Variants in VLDLR observed in about 807,000 individuals in gnomAD.
VLDLR encodes very low density lipoprotein receptor, also known as very low-density lipoprotein receptor.
VLDLR carries 81 observed loss-of-function variants against 112.7 expected under a neutral mutation model. That is an observed-to-expected ratio of 0.72 (90% CI 0.60 to 0.86). The LOEUF is 0.86. VLDLR is among the 40% of genes least tolerant of loss of function. The probability of loss-of-function intolerance (pLI) is 0.00; values close to 1 mark genes in which losing one functional copy is unlikely to be tolerated. For missense variants in VLDLR, 1,237 were observed against 1,099.4 expected (o/e 1.13, Z -1.77); for synonymous variants, 436 against 384.8 (o/e 1.13, Z -1.56).
intron 15 of VLDLR, 59 bp downstream of exon 15, chr9:2,650,575 A>C: frequency 5.0e-6 from 8 of 1,602,880 alleles, no homozygotes; most frequent in Non-Finnish European, 5.1e-6. Flanking sequence ...ATAATAAGAC[A>C]CAAGCTTGGA....
intron 1 of VLDLR, among the ~76,000 whole-genome samples, chr9:2,629,887 C>A (rs542328407): frequency 6.6e-6 from 1 of 152,184 alleles, no homozygotes; most frequent in Non-Finnish European, 1.5e-5. Flanking sequence ...ACTTCTACCT[C>A]CCAGGTTCAA....
intron 1 of VLDLR, among the ~76,000 whole-genome samples, chr9:2,625,897 T>C (rs374055864): frequency 1.3e-5 from 2 of 152,284 alleles, no homozygotes; most frequent in East Asian, 1.9e-4. Flanking sequence ...TTCTGAAGAG[T>C]TGGGGCAGAG....
chr9:2,652,899 T>TC lies in VLDLR; in HGVS notation c.2538dup (p.Ile847HisfsTer5). On this transcript the variant is annotated frameshift_variant, in exon 18 of 19. Transcript: ENST00000382100. LOFTEE classifies it high-confidence loss of function. ...CTTGAAAACCACTGAAGAGGACCTC[T>TC]CCATAGACATTGGTAGACACAGTGC... 6.2e-7 allele frequency: 1 copy of TC among 1,614,114 alleles called. No homozygotes were observed. Among genetic ancestry groups the TC allele is most frequent in the Non-Finnish European group, 8.5e-7 (1 of 1,179,994 alleles).
chr9:2,632,339 C>G (rs1191749137), intron 1 of VLDLR, among the ~76,000 whole-genome samples: 1 of 152,176 alleles, frequency 6.6e-6, no homozygotes, highest in Non-Finnish European at 1.5e-5. Flanking sequence ...CTTTAAGGAA[C>G]CCACTAACAA....
intron 14 of VLDLR, among the ~76,000 whole-genome samples, 195 bp from the exon 15 acceptor site, chr9:2,650,175 C>T (rs1459880968): frequency 6.6e-6 from 1 of 152,166 alleles, no homozygotes; most frequent in African/African-American, 2.4e-5. Context: ...GGTCCCTTAT[C>T]TGGTGTCCTT....
At chr9:2,622,327 G>T in intron 1 of VLDLR, 56 bp downstream of exon 1, 1 of 1,396,692 alleles carries the variant, frequency 7.2e-7, no homozygotes, top group South Asian at 1.5e-5. Flanking sequence ...GGCACCGGGA[G>T]ACCCCGAGGC....
At chr9:2,635,119 A>G (rs917645251) in intron 1 of VLDLR, among the ~76,000 whole-genome samples, 4 of 152,142 alleles carry the variant, frequency 2.6e-5, no homozygotes, top group African/African-American at 9.7e-5. Context: ...GAATGAAGAG[A>G]TGGAAAGAAA....
At chr9:2,641,687 G>A (rs1817832396) in intron 4 of VLDLR, among the ~76,000 whole-genome samples, 188 bp downstream of exon 4, 1 of 152,136 alleles carries the variant, frequency 6.6e-6, no homozygotes, top group South Asian at 2.1e-4. Context: ...TGTGGCAATT[G>A]ACCATCGCTT....
chr9:2,633,503 C>T (rs1220008713), intron 1 of VLDLR, among the ~76,000 whole-genome samples: 2 of 152,042 alleles, frequency 1.3e-5, no homozygotes, highest in African/African-American at 2.4e-5. Context: ...TTGACATTGA[C>T]CTTTAAGTTG....
In VLDLR at chr9:2,640,525, A is replaced by AGT. The variant is rs547041983; in HGVS notation, c.325+545_325+546dup. ...ATAAGAGAAACTTCATAGGTATGCA[A>AGT]GTATATACCTGTGTCCTTAGGAAAA... is the stretch of plus-strand genomic sequence containing the variant. On this transcript the variant is annotated intron_variant, in intron 3 of 18. Transcript: ENST00000382100. Among the ~76,000 whole-genome samples, 72 of 152,338 alleles carry AGT rather than the reference A, an allele frequency of 4.7e-4. No homozygotes were observed. In the East Asian group the frequency reaches 0.011, roughly 23 times the overall value.
At chr9:2,648,496 A>C (rs552366903) in intron 13 of VLDLR, 149 bp downstream of exon 13, 11 of 1,507,212 alleles carry the variant, frequency 7.3e-6, no homozygotes, top group Admixed American at 1.7e-5. Context: ...TCAGACACTA[A>C]GTCCCAGAAG....
chr9:2,653,544 A>G (rs1023082245), intron 18 of VLDLR, among the ~76,000 whole-genome samples: 13 of 152,218 alleles, frequency 8.5e-5, no homozygotes, highest in Non-Finnish European at 1.6e-4. Context: ...ACAGTGGTCA[A>G]TTCTTGACAC....
Position 2,654,006 on chromosome 9 carries a change from T to G in VLDLR, c.*138T>G, listed in dbSNP as rs1818483063. On this transcript the variant is annotated 3_prime_UTR_variant, in exon 19 of 19. Coordinates refer to ENST00000382100, the MANE Select transcript of VLDLR (RefSeq NM_003383.5). ...AAGATACCTTTGCGTGGATCAAGCT[T>G]GTGTACTTGACCGTTTTTATATTAC... The G allele has an allele frequency of 1.2e-6, 1 of 838,788 alleles. No individual in the cohort carries two copies. The highest frequency in any genetic ancestry group is 2.0e-6 in the Non-Finnish European group (1 of 503,928). The allele number at this position is 838,788 out of a possible 1,614,324, so 52.0% of individuals were successfully genotyped here. A position where few individuals can be genotyped will look rare whatever the true frequency, so the allele number is the denominator to read the frequency against.
intron 1 of VLDLR, among the ~76,000 whole-genome samples, chr9:2,627,661 G>C (rs770083396): frequency 3.3e-5 from 5 of 151,998 alleles, no homozygotes; most frequent in Non-Finnish European, 7.4e-5. Flanking sequence ...TCAGGAGTTC[G>C]AGACCAGCCT....
chr9:2,651,424 C>G lies in VLDLR; in HGVS notation c.2261C>G (p.Thr754Ser). Residue 754 changes from threonine (T) to serine (S), a missense_variant, in exon 16 of 19, where the codon ACT becomes AGT. Thr to Ser is a moderately conservative substitution (Grantham distance 58). Coordinates refer to ENST00000382100, the MANE Select transcript of VLDLR (RefSeq NM_003383.5). ...GGTTTTTATAATTCAGGTACTGCAA[C>G]TACTGTGACTTACAGTGAGACAAAA... ...ENGRDCQSTA[T>S]TVTYSETKDT... is the part of the protein sequence containing the mutation. 1 of 1,613,824 alleles carries G rather than the reference C, an allele frequency of 6.2e-7. No homozygotes were observed. The highest frequency in any genetic ancestry group is 8.5e-7 in the Non-Finnish European group (1 of 1,179,818).
intron 4 of VLDLR, 22 bp downstream of exon 4, chr9:2,641,521 G>A: frequency 6.2e-7 from 1 of 1,613,872 alleles, no homozygotes; most frequent in Non-Finnish European, 8.5e-7. Flanking sequence ...AGTGTTGAGT[G>A]ACGTAACCCA....
rs553955646 is a variant in VLDLR, at chr9:2,657,863, C to G, written c.*3995C>G. 1 of 152,268 alleles carries G rather than the reference C, an allele frequency of 6.6e-6. No homozygotes were observed. Among genetic ancestry groups the G allele is most frequent in the East Asian group, 1.9e-4 (1 of 5,182 alleles). The allele number at this position is 152,268 out of a possible 1,614,324, so 9.4% of individuals were successfully genotyped here. A position where few individuals can be genotyped will look rare whatever the true frequency, so the allele number is the denominator to read the frequency against. On this transcript the variant is annotated 3_prime_UTR_variant, in exon 19 of 19. Transcript: ENST00000382100. ...GAAGGGGCTTATAATGACTTCTCTT[C>G]TAGAATTGTAATACTAAAAAACTAC...
chr9:2,626,011 A>G (rs1817072264), intron 1 of VLDLR, among the ~76,000 whole-genome samples: 2 of 152,248 alleles, frequency 1.3e-5, no homozygotes, highest in African/African-American at 4.8e-5. Context: ...AAGTTCGTCT[A>G]TTGGCTTGCA....
chr9:2,629,183 T>G (rs1380275583), intron 1 of VLDLR, among the ~76,000 whole-genome samples: 1 of 152,222 alleles, frequency 6.6e-6, no homozygotes, highest in Non-Finnish European at 1.5e-5. Context: ...CAAGCCTTCC[T>G]GGGGATTCTG....
Sources: gnomAD v4.1 joint callset for allele counts (sites outside exome capture counted in the v4.1 genomes callset) on GRCh38, gnomAD v4.1.1 for gene constraint, MANE v1.5 for transcripts, NCBI Gene and HGNC (gene_info 2026-07-23, HGNC 2026-07-21) for gene names.